WDR72: variants seen among roughly 807,000 people sequenced by gnomAD.
WDR72 encodes the protein WD repeat-containing protein 72.
In WDR72, 120 loss-of-function variants were observed where a neutral mutation model predicts 124.2. The observed-to-expected ratio is 0.97, with a 90% confidence interval of 0.83 to 1.12. The LOEUF (loss-of-function observed/expected upper bound fraction) is 1.12, where lower values mean the gene tolerates loss of function less well. Ranked by LOEUF, WDR72 falls within the 50% of genes most tolerant of loss-of-function variation. The pLI is 0.00. For missense variants in WDR72, 1,387 were observed against 1,278.8 expected, an observed-to-expected ratio of 1.08 and a Z score of -1.29; for synonymous variants, 452 against 441.7, an observed-to-expected ratio of 1.02 and a Z score of -0.29.
At chr15:53,672,130 A>C (rs2016013400) in intron 13 of WDR72, among the ~76,000 whole-genome samples, 1 of 152,158 alleles carries the variant, frequency 6.6e-6, no homozygotes, top group African/African-American at 2.4e-5. Flanking sequence ...AATTAACTTT[A>C]CTTCTACTGC....
At chr15:53,560,258 G>C (rs915884981) in intron 18 of WDR72, among the ~76,000 whole-genome samples, 11 of 151,880 alleles carry the variant, frequency 7.2e-5, no homozygotes, top group African/African-American at 1.7e-4. Flanking sequence ...TTATGGCCCA[G>C]ATTGAGGTTG....
chr15:53,669,013 GAGAA>G (rs2015893482), intron 13 of WDR72, among the ~76,000 whole-genome samples: 7 of 135,670 alleles, frequency 5.2e-5, no homozygotes, highest in Non-Finnish European at 8.2e-5. Flanking sequence ...GAAGGAGAAG[GAGAA>G]AAGAAGAAGG....
chr15:53,545,471 T>C (rs1305370462), intron 18 of WDR72, among the ~76,000 whole-genome samples: 3 of 150,774 alleles, frequency 2.0e-5, no homozygotes, highest in East Asian at 1.9e-4. Context: ...TGTAGAAAGC[T>C]GAAACTGGAT....
At chr15:53,647,339 T>C (rs1047652337) in intron 14 of WDR72, among the ~76,000 whole-genome samples, 3 of 152,054 alleles carry the variant, frequency 2.0e-5, no homozygotes, top group Non-Finnish European at 4.4e-5. Context: ...CCTATATTAT[T>C]TTTGCCTTTA....
intron 17 of WDR72, among the ~76,000 whole-genome samples, chr15:53,608,289 A>G (rs1448079599): frequency 6.6e-6 from 1 of 152,182 alleles, no homozygotes; most frequent in South Asian, 2.1e-4. Flanking sequence ...CAACAGATAA[A>G]TGGATAAAGA....
chr15:53,515,008 CATATATAT>C lies in WDR72; in HGVS notation c.*2683_*2690del, dbSNP rs201133545. The C allele has an allele frequency of 1.5e-5, 1 of 65,342 alleles. No individual in the cohort carries two copies. Among genetic ancestry groups the C allele is most frequent in the African/African-American group, 5.9e-5 (1 of 16,986 alleles). 4.0% of individuals were successfully genotyped at this position (65,342 alleles called of 1,614,324 possible). ...TATGATATTCCTTTGGGGGATATGCCATATATATATATATATACACACATATATATGTG... is the reference window on the plus strand; with the variant it reads ...TATGATATTCCTTTGGGGGATATGCCATATATATACACACATATATATGTG... On this transcript the variant is annotated 3_prime_UTR_variant, in exon 20 of 20. Transcript: ENST00000360509.
chr15:53,601,466 A>C (rs917532756), intron 17 of WDR72, among the ~76,000 whole-genome samples: 4 of 152,152 alleles, frequency 2.6e-5, no homozygotes, highest in Non-Finnish European at 4.4e-5. Context: ...CTGCAAAATA[A>C]CCAGCTAACA....
chr15:53,761,981 C>A (rs532928948), upstream of WDR72, among the ~76,000 whole-genome samples: 11 of 152,006 alleles, frequency 7.2e-5, no homozygotes, highest in South Asian at 2.3e-3. Context: ...AACTGAATGA[C>A]TGGGTGGTTT....
At chr15:53,618,419 C>T (rs1355842800) in intron 14 of WDR72, among the ~76,000 whole-genome samples, 1 of 151,910 alleles carries the variant, frequency 6.6e-6, no homozygotes, top group East Asian at 1.9e-4. Flanking sequence ...TAACTATGGG[C>T]CTCTTAAAAT....
At chr15:53,759,390 G>T (rs542556406) in intron 1 of WDR72, 3 of 152,094 alleles carry the variant, frequency 2.0e-5, no homozygotes, top group Non-Finnish European at 2.9e-5. Context: ...ATCTGGAAAA[G>T]AGTTTGAAGA....
intron 3 of WDR72, among the ~76,000 whole-genome samples, chr15:53,719,999 A>C (rs1567047585): frequency 6.6e-6 from 1 of 152,142 alleles, no homozygotes; most frequent in Non-Finnish European, 1.5e-5. Context: ...TAATATAGTC[A>C]TACCAACCTT....
intron 14 of WDR72, among the ~76,000 whole-genome samples, chr15:53,662,252 C>T (rs942290160): frequency 6.6e-6 from 1 of 152,098 alleles, no homozygotes; most frequent in Admixed American, 6.6e-5. Flanking sequence ...CCTTCCTTTC[C>T]TATACCAGAG....
intron 19 of WDR72, among the ~76,000 whole-genome samples, chr15:53,518,171 T>C (rs774434454): frequency 5.3e-5 from 8 of 152,060 alleles, no homozygotes; most frequent in Non-Finnish European, 8.8e-5. Flanking sequence ...GGTCAAAATT[T>C]ATTAGTTGAA....
intron 14 of WDR72, among the ~76,000 whole-genome samples, chr15:53,641,996 T>C (rs149653674): frequency 2.2e-4 from 33 of 151,880 alleles, no homozygotes; most frequent in African/African-American, 8.0e-4. Flanking sequence ...TGTTAAATAA[T>C]AGCAGAAATT....
At chr15:53,717,590 A>T (rs1413197971) in intron 3 of WDR72, among the ~76,000 whole-genome samples, 2 of 152,056 alleles carry the variant, frequency 1.3e-5, no homozygotes, top group Non-Finnish European at 2.9e-5. Context: ...GCTACCCCTT[A>T]TTCCCCCTAC....
At chr15:53,608,373 T>C (rs897586763) in intron 17 of WDR72, among the ~76,000 whole-genome samples, 1 of 152,158 alleles carries the variant, frequency 6.6e-6, no homozygotes, top group Non-Finnish European at 1.5e-5. Context: ...TGCAACATCA[T>C]GGATAAACTG....
chr15:53,711,171 G>T, intron 8 of WDR72, 165 bp downstream of exon 8: 2 of 1,031,740 alleles, frequency 1.9e-6, no homozygotes, highest in East Asian at 2.5e-5. Context: ...CTGCTGTTTT[G>T]TACAAAGGCT....
At chr15:53,563,376 TC>T (rs1316438526) in intron 18 of WDR72, among the ~76,000 whole-genome samples, 4 of 151,814 alleles carry the variant, frequency 2.6e-5, no homozygotes, top group African/African-American at 9.7e-5. Flanking sequence ...ACTTACGACT[TC>T]AGTGACATGT....
intron 18 of WDR72, among the ~76,000 whole-genome samples, chr15:53,574,410 T>C (rs1229476704): frequency 1.3e-5 from 2 of 152,140 alleles, no homozygotes; most frequent in Non-Finnish European, 2.9e-5. Flanking sequence ...GACCTAGGTA[T>C]TGAGAAAATT....
Sources: allele counts gnomAD v4.1 joint callset (sites outside exome capture counted in the v4.1 genomes callset), GRCh38; gene constraint gnomAD v4.1.1; transcripts MANE v1.5; gene names NCBI Gene and HGNC (gene_info 2026-07-23, HGNC 2026-07-21).